Variants in GNAO1 observed in about 807,000 individuals in gnomAD.
The protein encoded by GNAO1 is G protein subunit alpha o1, also known as guanine nucleotide-binding protein G(o) subunit alpha.
For missense variants in GNAO1, 166 were observed against 478.7 expected (o/e 0.35, Z 6.10); for synonymous variants, 164 against 180.7 (o/e 0.91, Z 0.74).
chr16:56,275,319 C>T (rs2037052069), intron 2 of GNAO1, among the ~76,000 whole-genome samples: 1 of 152,172 alleles, frequency 6.6e-6, no homozygotes, highest in Non-Finnish European at 1.5e-5. Flanking sequence ...TTGTGATGTC[C>T]CCTTTATGTC....
chr16:56,274,416 A>G (rs1251305534), intron 2 of GNAO1, among the ~76,000 whole-genome samples: 1 of 152,220 alleles, frequency 6.6e-6, no homozygotes, highest in East Asian at 1.9e-4. Context: ...ATGAAAGTCG[A>G]CAGAAAGTTA....
chr16:56,283,115 C>T (rs1324445605), intron 3 of GNAO1, among the ~76,000 whole-genome samples: 1 of 152,354 alleles, frequency 6.6e-6, no homozygotes, highest in Non-Finnish European at 1.5e-5. Context: ...TCTTGTGGCT[C>T]TGACTTACTT....
intron 4 of GNAO1, among the ~76,000 whole-genome samples, chr16:56,333,161 G>A (rs1278314388): frequency 6.6e-6 from 1 of 151,944 alleles, no homozygotes; most frequent in Non-Finnish European, 1.5e-5. Flanking sequence ...GGGGTCTGGA[G>A]CCAGTCAGAA....
At chr16:56,206,889 A>G (rs2036335741) in intron 2 of GNAO1, among the ~76,000 whole-genome samples, 7 of 152,182 alleles carry the variant, frequency 4.6e-5, no homozygotes, top group Admixed American at 4.6e-4. Context: ...TGCTGATCCC[A>G]GTGGCTTCCT....
At chr16:56,218,414 G>A (rs776134162) in intron 2 of GNAO1, among the ~76,000 whole-genome samples, 13 of 152,212 alleles carry the variant, frequency 8.5e-5, no homozygotes, top group Non-Finnish European at 5.9e-5. Context: ...AACCCAAGTG[G>A]AGCACACGTG....
At chr16:56,194,605 G>T (rs926620230) in intron 2 of GNAO1, 55 of 200,176 alleles carry the variant, frequency 2.7e-4, no homozygotes, top group African/African-American at 8.2e-4. Flanking sequence ...GAGCCGAGTC[G>T]GTGCTCCGGC....
At chr16:56,253,870 T>C (rs2036821878) in intron 2 of GNAO1, among the ~76,000 whole-genome samples, 1 of 152,230 alleles carries the variant, frequency 6.6e-6, no homozygotes, top group Admixed American at 6.5e-5. Flanking sequence ...GGGATTGAGC[T>C]TCTACTTAAA....
At chr16:56,329,018 C>A (rs905883436) in intron 4 of GNAO1, 14 of 528,420 alleles carry the variant, frequency 2.6e-5, no homozygotes, top group Non-Finnish European at 4.4e-5. Context: ...CAAGAGACAA[C>A]CAAACAGTGG....
At chr16:56,324,029 G>A (rs901857750) in intron 3 of GNAO1, among the ~76,000 whole-genome samples, 2 of 152,098 alleles carry the variant, frequency 1.3e-5, no homozygotes, top group Non-Finnish European at 2.9e-5. Context: ...AGGGCGGGGG[G>A]CCAGGGGGTG....
chr16:56,298,050 T>A (rs2037305299), intron 3 of GNAO1, among the ~76,000 whole-genome samples: 1 of 152,114 alleles, frequency 6.6e-6, no homozygotes, highest in African/African-American at 2.4e-5. Flanking sequence ...TGCGTGCCTG[T>A]GGTCCCAGCT....
rs1012333756 is a variant in GNAO1 at position 56,275,991 on chromosome 16, C to T, written c.222C>T (p.Tyr74=). The T allele has an allele frequency of 6.2e-7, 1 of 1,613,746 alleles. No individual in the cohort carries two copies. The highest frequency in any genetic ancestry group is 8.5e-7 in the Non-Finnish European group (1 of 1,179,646). Residue 74 remains tyrosine (Y), a synonymous_variant, in exon 3 of 9, where the codon TAC becomes TAT. Coordinates refer to ENST00000262493, the MANE Select transcript of GNAO1 (RefSeq NM_020988.3). ...EDVKQYKPVV[Y]SNTIQSLAAI... is the part of the protein sequence containing the mutation. Reference sequence around the variant, plus strand: ...TGAAACAGTACAAGCCTGTTGTCTACAGCAACACTATCCAGTCCCTGGCAG... The same window carrying T: ...TGAAACAGTACAAGCCTGTTGTCTATAGCAACACTATCCAGTCCCTGGCAG...
rs1234661997 is a variant in GNAO1, at chr16:56,341,107, C to T, written c.723+4247C>T. ...CTCTGCCACAGAGAATCCACACAAA[C>T]GGTCCCCCACCCTGCCCCCAGATTG... is the stretch of plus-strand genomic sequence containing the variant. On this transcript the variant is annotated intron_variant, in intron 6 of 8. Transcript: ENST00000262493. 9 of 780,162 alleles carry T rather than the reference C, an allele frequency of 1.2e-5. No individual in the cohort carries two copies. In the South Asian group the frequency reaches 1.4e-4, roughly 12 times the overall value. The allele number at this position is 780,162 out of a possible 1,614,324, so 48.3% of individuals were successfully genotyped here.
chr16:56,230,513 CAG>C (rs2032760084), intron 2 of GNAO1, among the ~76,000 whole-genome samples: 1 of 152,168 alleles, frequency 6.6e-6, no homozygotes, highest in Non-Finnish European at 1.5e-5. Context: ...TGGGGAGAGA[CAG>C]AGAGTATGAA....
intron 3 of GNAO1, among the ~76,000 whole-genome samples, chr16:56,305,493 A>C (rs551620151): frequency 9.3e-4 from 141 of 152,304 alleles, no homozygotes; most frequent in African/African-American, 3.2e-3. Context: ...CAAAGACTCG[A>C]GTCCAGGAGG....
At chr16:56,262,235 G>A (rs1393038970) in intron 2 of GNAO1, among the ~76,000 whole-genome samples, 3 of 152,232 alleles carry the variant, frequency 2.0e-5, no homozygotes, top group Admixed American at 2.0e-4. Flanking sequence ...ATATTCTGCA[G>A]TGAGTCACCA....
chr16:56,299,649 A>G (rs2037322289), intron 3 of GNAO1, among the ~76,000 whole-genome samples: 1 of 152,202 alleles, frequency 6.6e-6, no homozygotes, highest in Admixed American at 6.5e-5. Context: ...AAGCCTCCTG[A>G]TCACTGAAAC....
At chr16:56,279,111 A>G (rs1321182903) in intron 3 of GNAO1, among the ~76,000 whole-genome samples, 6 of 151,392 alleles carry the variant, frequency 4.0e-5, no homozygotes, top group Admixed American at 1.3e-4. Context: ...GAGGAAGACA[A>G]CCCCACTCCC....
intron 6 of GNAO1, chr16:56,343,909 G>T (rs1330301776): frequency 6.2e-7 from 1 of 1,614,104 alleles, no homozygotes; most frequent in Admixed American, 1.7e-5. Context: ...TGTGACGGAC[G>T]TCATCATCGC....
chr16:56,303,991 CT>C (rs2037368520), intron 3 of GNAO1, among the ~76,000 whole-genome samples: 1 of 152,166 alleles, frequency 6.6e-6, no homozygotes, highest in Non-Finnish European at 1.5e-5. Context: ...TACTTCATTG[CT>C]TTTTAGATCT....
Sources: allele counts gnomAD v4.1 joint callset (sites outside exome capture counted in the v4.1 genomes callset), GRCh38; gene constraint gnomAD v4.1.1; transcripts MANE v1.5; gene names NCBI Gene and HGNC (gene_info 2026-07-23, HGNC 2026-07-21).